The following BACE1 variants were observed in gnomAD, a reference collection of about 807,000 sequenced individuals.
BACE1 encodes the protein APP beta-secretase.
In BACE1, 21 loss-of-function variants were observed where a neutral mutation model predicts 54.0. The ratio of observed to expected loss-of-function variants is 0.39; its 90% CI spans 0.28 to 0.56. The LOEUF (loss-of-function observed/expected upper bound fraction) is 0.56, where lower values mean the gene tolerates loss of function less well. Ranked by LOEUF, BACE1 falls within the 20% of genes least tolerant of loss-of-function variation. The pLI is 0.63. For synonymous variants in BACE1, 232 were observed against 260.9 expected, an observed-to-expected ratio of 0.89 and a Z score of 1.07; for missense variants, 511 against 661.2, an observed-to-expected ratio of 0.77 and a Z score of 2.49.
At chr11:117,303,204 C>G (rs1182629571) in intron 1 of BACE1, among the ~76,000 whole-genome samples, 3 of 152,172 alleles carry the variant, frequency 2.0e-5, no homozygotes, top group Non-Finnish European at 4.4e-5. Flanking sequence ...TGACACCTGC[C>G]TGTATTTACG....
intron 1 of BACE1, among the ~76,000 whole-genome samples, chr11:117,304,184 T>C (rs1422152011): frequency 6.6e-6 from 1 of 152,210 alleles, no homozygotes; most frequent in African/African-American, 2.4e-5. Flanking sequence ...CACTTGTGCA[T>C]TGGGAATTGC....
intron 8 of BACE1, 22 bp downstream of exon 8, chr11:117,290,465 AC>A (rs768126905): frequency 3.1e-6 from 5 of 1,611,182 alleles, no homozygotes; most frequent in African/African-American, 1.3e-5. Context: ...CTGACCCCAA[AC>A]CCTCAGCCCT....
At chr11:117,295,586 A>G (rs1348358217) in intron 2 of BACE1, 1 of 1,535,578 alleles carries the variant, frequency 6.5e-7, no homozygotes, top group Non-Finnish European at 8.7e-7. Flanking sequence ...TCATATTCCT[A>G]GATCTTGAGC....
Position 117,295,354 on chromosome 11 carries a change from A to C in BACE1, c.351-7T>G. The C allele has an allele frequency of 6.2e-7, 1 of 1,610,380 alleles. No individual in the cohort carries two copies. The highest frequency in any genetic ancestry group is 8.5e-7 in the Non-Finnish European group (1 of 1,176,870). On this transcript the variant is annotated splice_region_variant and splice_polypyrimidine_tract_variant and intron_variant, in intron 2 of 8. Coordinates refer to ENST00000313005, the MANE Select transcript of BACE1 (RefSeq NM_012104.6). The stretch of plus-strand genomic sequence containing the variant: ...GTCCCGGTATGTGCTGGACCTGTGG[A>C]AAGAAGGCAGAGATCTGTGGATGCA...
At chr11:117,307,106 A>G (rs79111205) in intron 1 of BACE1, among the ~76,000 whole-genome samples, 5 of 152,266 alleles carry the variant, frequency 3.3e-5, no homozygotes, top group Non-Finnish European at 5.9e-5. Flanking sequence ...ACACCTGGCT[A>G]TAGTACCCAA....
intron 1 of BACE1, among the ~76,000 whole-genome samples, chr11:117,312,695 T>C (rs2034975532): frequency 6.6e-6 from 1 of 152,160 alleles, no homozygotes; most frequent in African/African-American, 2.4e-5. Context: ...ACTCCTGACC[T>C]CAGGTGATCC....
intron 1 of BACE1, among the ~76,000 whole-genome samples, chr11:117,313,151 A>G (rs1231873060): frequency 6.6e-6 from 1 of 152,226 alleles, no homozygotes; most frequent in Admixed American, 6.5e-5. Flanking sequence ...CTTCTTACAG[A>G]CAGATGGGGA....
chr11:117,296,746 C>A, intron 2 of BACE1, 127 bp downstream of exon 2: 1 of 717,726 alleles, frequency 1.4e-6, no homozygotes. Flanking sequence ...CTTTTTTTCG[C>A]CCTTCCCCTT....
rs2034398436 is a variant in BACE1, at chr11:117,290,649, C to T, written c.1103G>A (p.Arg368Gln). 1.9e-6 allele frequency: 3 copies of T among 1,614,010 alleles called. No individual in the cohort carries two copies. Among genetic ancestry groups the T allele is most frequent in the Non-Finnish European group, 2.5e-6 (3 of 1,179,990 alleles). ...RITILPQQYLRPVEDVATSQD... is the reference protein window; with the variant it reads ...RITILPQQYLQPVEDVATSQD... ...GGACGTGGCCACATCTTCCACTGGC[C>T]GCAGGTATTGCTAGGGGTAAGCAAT... The change falls in exon 8 of 9, where the codon CGG (arginine) becomes CAG (glutamine). Residue 368 changes from arginine (R) to glutamine (Q), a missense_variant. Arg to Gln is a conservative substitution (Grantham distance 43). This residue lies in a region of BACE1 where 407 missense variants were observed against 565.7 expected (regional missense o/e 0.72). Transcript: ENST00000313005.
intron 1 of BACE1, among the ~76,000 whole-genome samples, chr11:117,311,724 T>C (rs549295438): frequency 6.6e-6 from 1 of 152,336 alleles, no homozygotes; most frequent in East Asian, 1.9e-4. Context: ...CACTGCAACC[T>C]CTGCCTCCCG....
intron 1 of BACE1, among the ~76,000 whole-genome samples, chr11:117,298,545 G>A (rs1266814144): frequency 1.3e-5 from 2 of 152,160 alleles, no homozygotes; most frequent in Non-Finnish European, 2.9e-5. Flanking sequence ...CCTATTCTAG[G>A]AGCTGTACTG....
Position 117,291,817 on chromosome 11 carries a change from A to G in BACE1, c.841-4T>C. 1.9e-6 allele frequency: 3 copies of G among 1,598,828 alleles called. No individual in the cohort carries two copies. Among genetic ancestry groups the G allele is most frequent in the Middle Eastern group, 1.7e-4 (1 of 6,018 alleles). On this transcript the variant is annotated splice_region_variant and splice_polypyrimidine_tract_variant and intron_variant, in intron 5 of 8. Transcript: ENST00000313005. ...CAATGCTCTTGTCATAGTTGTACTA[A>G]GAGGGAAAAGAGAGAGTTAAAAGAG...
chr11:117,312,654 G>A (rs1323393347), intron 1 of BACE1, among the ~76,000 whole-genome samples: 2 of 152,058 alleles, frequency 1.3e-5, no homozygotes, highest in Non-Finnish European at 2.9e-5. Context: ...GTAGAGATGG[G>A]GTTTCACCAC....
At position 117,304,984 on chromosome 11, in the gene BACE1, G is replaced by A. The variant is rs79783430; in HGVS notation, c.262-8023C>T. 5.7e-3 allele frequency among the ~76,000 whole-genome samples: 806 copies of A among 141,026 alleles called. 8 individuals carry two copies. The highest frequency in any genetic ancestry group is 8.8e-3 in the Non-Finnish European group (575 of 65,148). The allele number at this position is 141,026 out of a possible 152,430, so 92.5% of individuals were successfully genotyped here. A position where few individuals can be genotyped will look rare whatever the true frequency, so the allele number is the denominator to read the frequency against. On this transcript the variant is annotated intron_variant, in intron 1 of 8. Coordinates refer to ENST00000313005, the MANE Select transcript of BACE1 (RefSeq NM_012104.6). Reference sequence around the variant, plus strand: ...CTATTCTTTTTTTTTTTTTTTTGAGGTGGGTTCTCACTCTGTCACCCAGGC... The same window carrying A: ...CTATTCTTTTTTTTTTTTTTTTGAGATGGGTTCTCACTCTGTCACCCAGGC...
intron 1 of BACE1, among the ~76,000 whole-genome samples, chr11:117,302,163 A>G (rs535788449): frequency 4.0e-5 from 6 of 151,792 alleles, no homozygotes; most frequent in Non-Finnish European, 7.4e-5. Flanking sequence ...GTGAAACCCC[A>G]TCTCTACAAA....
At chr11:117,299,256 TC>T (rs1487307601) in intron 1 of BACE1, among the ~76,000 whole-genome samples, 2 of 152,120 alleles carry the variant, frequency 1.3e-5, no homozygotes, top group African/African-American at 4.8e-5. Flanking sequence ...AAGTTGCATC[TC>T]GCCTCTTGCC....
chr11:117,300,772 T>G (rs1411035122), intron 1 of BACE1, among the ~76,000 whole-genome samples: 1 of 151,912 alleles, frequency 6.6e-6, no homozygotes, highest in African/African-American at 2.4e-5. Context: ...CCTTGGCCCT[T>G]TTCCCTCACA....
chr11:117,296,590 G>C (rs1027696467), intron 2 of BACE1, among the ~76,000 whole-genome samples: 6 of 152,070 alleles, frequency 3.9e-5, no homozygotes, highest in African/African-American at 1.4e-4. Context: ...ATTGTTCTGT[G>C]AGCTATGGGC....
intron 1 of BACE1, among the ~76,000 whole-genome samples, chr11:117,297,863 A>G (rs1014949841): frequency 2.6e-5 from 4 of 152,258 alleles, no homozygotes; most frequent in African/African-American, 9.6e-5. Flanking sequence ...GATTCTCTGC[A>G]GATGCAAATC....
Sources: allele counts gnomAD v4.1 joint callset (sites outside exome capture counted in the v4.1 genomes callset), GRCh38; gene constraint gnomAD v4.1.1; regional missense constraint gnomAD v4.1.1; transcripts MANE v1.5; gene names NCBI Gene and HGNC (gene_info 2026-07-23, HGNC 2026-07-21).